SORCS2: variants seen among roughly 807,000 people sequenced by gnomAD.
The protein encoded by SORCS2 is sortilin related VPS10 domain containing receptor 2, also known as VPS10 domain-containing receptor SorCS2.
SORCS2 carries 100 observed loss-of-function variants against 141.6 expected under a neutral mutation model. That is an observed-to-expected ratio of 0.71 (90% CI 0.60 to 0.83). SORCS2 has a LOEUF of 0.83. SORCS2 is among the 40% of genes least tolerant of loss of function. SORCS2 has a pLI of 0.00. For missense variants in SORCS2, 1,646 were observed against 1,560.2 expected, an observed-to-expected ratio of 1.05 and a Z score of -0.93; for synonymous variants, 789 against 676.9, an observed-to-expected ratio of 1.17 and a Z score of -2.57.
At chr4:7,628,831 A>G (rs1719689725) in intron 3 of SORCS2, among the ~76,000 whole-genome samples, 1 of 152,218 alleles carries the variant, frequency 6.6e-6, no homozygotes, top group African/African-American at 2.4e-5. Flanking sequence ...ATGCCACTGA[A>G]CTGTACACTC....
rs866555014 is a variant in SORCS2, at chr4:7,600,668, C to T, written c.649-37660C>T. 3.0e-3 allele frequency among the ~76,000 whole-genome samples: 442 copies of T among 145,072 alleles called. 2 individuals carry two copies. Among genetic ancestry groups the T allele is most frequent in the African/African-American group, 0.012 (432 of 35,560 alleles). On this transcript the variant is annotated intron_variant, in intron 3 of 26. Coordinates refer to ENST00000507866, the MANE Select transcript of SORCS2 (RefSeq NM_020777.3). ...ATACATATATATATACACACACACACACACACACACACACACACACACACA... is the reference window on the plus strand; with the variant it reads ...ATACATATATATATACACACACACATACACACACACACACACACACACACA...
At chr4:7,487,756 C>G (rs1731080364) in intron 2 of SORCS2, among the ~76,000 whole-genome samples, 2 of 152,158 alleles carry the variant, frequency 1.3e-5, no homozygotes. Flanking sequence ...TGGCCATCCT[C>G]TTCTCTGCAT....
At chr4:7,340,860 G>A (rs1720330172) in intron 1 of SORCS2, among the ~76,000 whole-genome samples, 1 of 152,240 alleles carries the variant, frequency 6.6e-6, no homozygotes. Context: ...TCAAAGGTCG[G>A]CTTTACTATT....
intron 2 of SORCS2, among the ~76,000 whole-genome samples, chr4:7,443,681 T>A (rs1043780948): frequency 2.0e-5 from 3 of 152,222 alleles, no homozygotes; most frequent in Admixed American, 2.0e-4. Flanking sequence ...CTCAGGACTT[T>A]GGGGCCTTGA....
intron 1 of SORCS2, among the ~76,000 whole-genome samples, chr4:7,360,596 T>TTTTTTTA (rs1721525120): frequency 3.0e-5 from 4 of 134,880 alleles, no homozygotes; most frequent in South Asian, 2.6e-4. Context: ...TTTTTTTTTT[T>TTTTTTTA]GAGACAGGGT....
At chr4:7,468,573 A>C (rs1215475942) in intron 2 of SORCS2, among the ~76,000 whole-genome samples, 1 of 152,242 alleles carries the variant, frequency 6.6e-6, no homozygotes, top group Non-Finnish European at 1.5e-5. Context: ...GGTTTGTTGA[A>C]TGCATCAACG....
At chr4:7,333,699 C>G (rs1421653080) in intron 1 of SORCS2, among the ~76,000 whole-genome samples, 1 of 152,212 alleles carries the variant, frequency 6.6e-6, no homozygotes, top group Non-Finnish European at 1.5e-5. Flanking sequence ...CCAGGTCTCC[C>G]CACAGGTTCC....
intron 1 of SORCS2, among the ~76,000 whole-genome samples, chr4:7,248,101 C>T (rs1037533175): frequency 6.6e-6 from 1 of 152,190 alleles, no homozygotes; most frequent in Non-Finnish European, 1.5e-5. Flanking sequence ...AAAGGTCTGG[C>T]CGGGCCTGAG....
intron 2 of SORCS2, among the ~76,000 whole-genome samples, chr4:7,489,847 G>T (rs1398944134): frequency 6.6e-6 from 1 of 152,166 alleles, no homozygotes; most frequent in South Asian, 2.1e-4. Flanking sequence ...TGTGACTGGG[G>T]CTGGGTGAGT....
At chr4:7,380,843 T>C (rs544131103) in intron 1 of SORCS2, among the ~76,000 whole-genome samples, 1 of 152,348 alleles carries the variant, frequency 6.6e-6, no homozygotes, top group East Asian at 1.9e-4. Context: ...CCCAACACTT[T>C]GGGAGGCCAA....
intron 1 of SORCS2, among the ~76,000 whole-genome samples, chr4:7,309,233 G>A (rs1256350105): frequency 2.6e-5 from 4 of 152,198 alleles, no homozygotes; most frequent in Admixed American, 2.6e-4. Flanking sequence ...GAGAGGTTAA[G>A]TGATTGGCCC....
rs180913790 is a variant in SORCS2, at chr4:7,323,765, C to A, written c.481-72523C>A. Among the ~76,000 whole-genome samples the A allele has an allele frequency of 1.8e-3, 272 of 152,150 alleles. 5 individuals carry two copies. In the East Asian group the frequency reaches 0.046, roughly 26 times the overall value. ...ACTCTACCCTGGATTCTCCCCATTT[C>A]CCAGTTTCCCCTCCACCCCCGAGAA... On this transcript the variant is annotated intron_variant, in intron 1 of 26. Coordinates refer to ENST00000507866, the MANE Select transcript of SORCS2 (RefSeq NM_020777.3).
intron 1 of SORCS2, among the ~76,000 whole-genome samples, chr4:7,327,289 C>T (rs1252747182): frequency 1.3e-5 from 2 of 152,210 alleles, no homozygotes; most frequent in African/African-American, 4.8e-5. Flanking sequence ...CCTCACCTGT[C>T]CCACCTCCGG....
At chr4:7,429,381 G>A (rs1726672196) in intron 2 of SORCS2, among the ~76,000 whole-genome samples, 1 of 152,190 alleles carries the variant, frequency 6.6e-6, no homozygotes, top group Non-Finnish European at 1.5e-5. Flanking sequence ...AGGTCCCATC[G>A]CCTCTTCCGC....
rs1577914058 is a variant in SORCS2, at chr4:7,663,302, C to CTGAA, written c.953-1048_953-1047insATGA. ...AATAAGTGAGTGAGTGAATGAGTGA[C>CTGAA]TGAGTGAATGAATGAGTGAGTGAGT... On this transcript the variant is annotated intron_variant, in intron 6 of 26. Transcript: ENST00000507866. The surrounding 1 kb of genome is among the most constrained non-coding windows in gnomAD (Gnocchi z 4.8). Among the ~76,000 whole-genome samples, 1 of 149,252 alleles carries CTGAA rather than the reference C, an allele frequency of 6.7e-6. No individual in the cohort carries two copies. Among genetic ancestry groups the CTGAA allele is most frequent in the Non-Finnish European group, 1.5e-5 (1 of 67,292 alleles).
chr4:7,524,671 TC>T (rs1215418498), intron 2 of SORCS2, among the ~76,000 whole-genome samples: 1 of 152,086 alleles, frequency 6.6e-6, no homozygotes, highest in Non-Finnish European at 1.5e-5. Flanking sequence ...CCTTGTTCTT[TC>T]CCCAGGAAAG....
At chr4:7,626,349 AT>A (rs1719515858) in intron 3 of SORCS2, among the ~76,000 whole-genome samples, 1 of 152,172 alleles carries the variant, frequency 6.6e-6, no homozygotes, top group South Asian at 2.1e-4. Flanking sequence ...TAACACTTTC[AT>A]TTTAAAATAT....
chr4:7,551,199 G>T (rs1347227575), intron 3 of SORCS2, among the ~76,000 whole-genome samples: 1 of 152,198 alleles, frequency 6.6e-6, no homozygotes, highest in Non-Finnish European at 1.5e-5. Context: ...TGTTGGTCAA[G>T]ATCTCTCAGC....
intron 5 of SORCS2, among the ~76,000 whole-genome samples, chr4:7,661,031 C>T (rs1158443528): frequency 6.6e-6 from 1 of 152,210 alleles, no homozygotes; most frequent in East Asian, 1.9e-4. Context: ...CATTTTGCTT[C>T]TCTGAGCCAC....
Sources: allele counts gnomAD v4.1 joint callset (sites outside exome capture counted in the v4.1 genomes callset), GRCh38; gene constraint gnomAD v4.1.1; non-coding constraint Gnocchi (gnomAD v3.1); transcripts MANE v1.5; gene names NCBI Gene and HGNC (gene_info 2026-07-23, HGNC 2026-07-21).